Variants in KCNQ4 observed in about 807,000 individuals in gnomAD.
KCNQ4 encodes potassium voltage-gated channel subfamily KQT member 4.
KCNQ4 carries 31 observed loss-of-function variants against 72.6 expected under a neutral mutation model. The observed-to-expected ratio is 0.43, with a 90% CI of 0.32 to 0.58. KCNQ4 has a LOEUF of 0.58. KCNQ4 is among the 20% of genes least tolerant of loss of function. The probability of loss-of-function intolerance (pLI) is 0.08; values close to 1 mark genes in which losing one functional copy is unlikely to be tolerated. For synonymous variants in KCNQ4, 405 were observed against 403.7 expected (o/e 1.00, Z -0.04); for missense variants, 869 against 962.6 (o/e 0.90, Z 1.29).
At chr1:40,799,966 C>T (rs1276260338) in intron 1 of KCNQ4, among the ~76,000 whole-genome samples, 1 of 152,104 alleles carries the variant, frequency 6.6e-6, no homozygotes, top group Non-Finnish European at 1.5e-5. Context: ...GGTTGGGGCC[C>T]AGAATTCTAC....
intron 9 of KCNQ4, among the ~76,000 whole-genome samples, chr1:40,829,554 C>G (rs1648576162): frequency 6.6e-6 from 1 of 152,140 alleles, no homozygotes; most frequent in Non-Finnish European, 1.5e-5. Context: ...ACTTCAGCAC[C>G]TTGGCTCCCT....
chr1:40,819,016 CG>C (rs1489901000), intron 4 of KCNQ4: 19 of 532,840 alleles, frequency 3.6e-5, no homozygotes, highest in Non-Finnish European at 6.0e-5. Flanking sequence ...GGGGCTGGAG[CG>C]GGGCTAGGGT....
At chr1:40,836,051 C>T (rs952209649) in intron 12 of KCNQ4, among the ~76,000 whole-genome samples, 2 of 151,956 alleles carry the variant, frequency 1.3e-5, no homozygotes, top group Non-Finnish European at 2.9e-5. Context: ...CTGACAAGAT[C>T]TGAATTGTCT....
chr1:40,838,367 G>A lies in KCNQ4; in HGVS notation c.1932G>A (p.Leu644=). 6.2e-7 allele frequency: 1 copy of A among 1,613,986 alleles called. No homozygotes were observed. Among genetic ancestry groups the A allele is most frequent in the South Asian group, 1.1e-5 (1 of 91,086 alleles). ...TGTTGGGCTTCTATTCGCGCTGCCT[G>A]CGCTCTGGCACCTCGGCCAGCCTGG... ...DLLLGFYSRC[L]RSGTSASLGA... Residue 644 remains leucine, a synonymous_variant, in exon 14 of 14, where the codon CTG becomes CTA. Coordinates refer to ENST00000347132, the MANE Select transcript of KCNQ4 (RefSeq NM_004700.4).
At chr1:40,814,188 G>A (rs1648016518) in intron 1 of KCNQ4, among the ~76,000 whole-genome samples, 1 of 150,724 alleles carries the variant, frequency 6.6e-6, no homozygotes, top group Admixed American at 6.6e-5. Context: ...TGAGTAGCTG[G>A]GATTACAGGC....
At chr1:40,821,224 C>T (rs1206560356) in intron 7 of KCNQ4, among the ~76,000 whole-genome samples, 1 of 152,168 alleles carries the variant, frequency 6.6e-6, no homozygotes, top group East Asian at 1.9e-4. Context: ...ATTGTGGTGC[C>T]CATAATTAAT....
chr1:40,806,956 C>T (rs1647783253), intron 1 of KCNQ4, among the ~76,000 whole-genome samples: 1 of 152,158 alleles, frequency 6.6e-6, no homozygotes, highest in Non-Finnish European at 1.5e-5. Flanking sequence ...GTGGAGCCAA[C>T]CGCAGGGCTG....
At chr1:40,809,510 A>C (rs1364762282) in intron 1 of KCNQ4, among the ~76,000 whole-genome samples, 2 of 152,204 alleles carry the variant, frequency 1.3e-5, no homozygotes, top group Middle Eastern at 3.4e-3. Context: ...CCAATGCCCA[A>C]ACCAGAAATA....
chr1:40,838,357 C>G lies in KCNQ4; in HGVS notation c.1922C>G (p.Ser641Trp). The change falls in exon 14 of 14, where the codon TCG (serine) becomes TGG (tryptophan). Residue 641 changes from serine to tryptophan, a missense_variant. This residue lies in a region of KCNQ4 where 480 missense variants were observed against 501.9 expected (regional missense o/e 0.96). Coordinates refer to ENST00000347132, the MANE Select transcript of KCNQ4 (RefSeq NM_004700.4). ...CTGGACCTGCTGTTGGGCTTCTATT[C>G]GCGCTGCCTGCGCTCTGGCACCTCG... ...HKLDLLLGFY[S>W]RCLRSGTSAS... is the part of the protein sequence containing the mutation. 6.2e-7 allele frequency: 1 copy of G among 1,613,940 alleles called. No homozygotes were observed. The highest frequency in any genetic ancestry group is 1.1e-5 in the South Asian group (1 of 91,078).
intron 1 of KCNQ4, among the ~76,000 whole-genome samples, chr1:40,806,827 GTGGTTCTTAGTT>G (rs1647778004): frequency 6.6e-6 from 1 of 152,222 alleles, no homozygotes; most frequent in African/African-American, 2.4e-5. Flanking sequence ...ACTTTCCTCT[GTGGTTCTTAGTT>G]CCATTCCTGC....
At chr1:40,802,955 T>C (rs1209029288) in intron 1 of KCNQ4, among the ~76,000 whole-genome samples, 1 of 152,146 alleles carries the variant, frequency 6.6e-6, no homozygotes. Context: ...TGAGATACAT[T>C]TAGGGACTGT....
At chr1:40,831,654 A>G (rs1286350247) in intron 10 of KCNQ4, among the ~76,000 whole-genome samples, 1 of 152,198 alleles carries the variant, frequency 6.6e-6, no homozygotes, top group African/African-American at 2.4e-5. Context: ...AATGGGAACA[A>G]TAATAGCATC....
chr1:40,817,302 C>T lies in KCNQ4; in HGVS notation c.352C>T (p.Leu118=), dbSNP rs1208149845. 1.2e-6 allele frequency: 2 copies of T among 1,613,960 alleles called. No individual in the cohort carries two copies. The highest frequency in any genetic ancestry group is 1.7e-6 in the Non-Finnish European group (2 of 1,180,000). The part of the protein sequence containing the change: ...LVFSCLVLSV[L]STIQEHQELA... Reference sequence around the variant, plus strand: ...CTTCAGCTGCCTGGTGCTGTCTGTGCTGTCCACTATCCAGGAGCACCAGGA... The same window carrying T: ...CTTCAGCTGCCTGGTGCTGTCTGTGTTGTCCACTATCCAGGAGCACCAGGA... The change falls in exon 2 of 14, where the codon CTG becomes TTG. Residue 118 remains leucine, a synonymous_variant. Coordinates refer to ENST00000347132, the MANE Select transcript of KCNQ4 (RefSeq NM_004700.4). This position sits in a 1 kb window ranked among gnomAD's most constrained non-coding sequence, Gnocchi z 5.5.
intron 1 of KCNQ4, among the ~76,000 whole-genome samples, chr1:40,798,639 C>T (rs1647483074): frequency 6.6e-6 from 1 of 152,190 alleles, no homozygotes; most frequent in South Asian, 2.1e-4. Context: ...GTCTAGGATC[C>T]CTGATGGACA....
At chr1:40,822,433 G>T (rs148218398) in intron 8 of KCNQ4, 31 bp downstream of exon 8, 5 of 969,270 alleles carry the variant, frequency 5.2e-6, no homozygotes, top group Non-Finnish European at 8.3e-6. Flanking sequence ...GGGTGGGTGG[G>T]GGGCTGGCAG....
chr1:40,837,724 AGGGGCCCTCCGACGC>A lies in KCNQ4; in HGVS notation c.1808_1822del (p.Gly603_Ala607del). The A allele has an allele frequency of 1.9e-6, 3 of 1,613,330 alleles. No homozygotes were observed. The highest frequency in any genetic ancestry group is 2.5e-6 in the Non-Finnish European group (3 of 1,179,754). ...AGGAAGGCCCGGGAGAAGGGCGACA[AGGGGCCCTCCGACGC>A]GGAGGTGGTGGATGAAATCAGCATG... On this transcript the variant is annotated inframe_deletion, in exon 13 of 14. Transcript: ENST00000347132.
chr1:40,828,992 G>A (rs1357755211), intron 9 of KCNQ4, among the ~76,000 whole-genome samples: 1 of 152,244 alleles, frequency 6.6e-6, no homozygotes, highest in Non-Finnish European at 1.5e-5. Flanking sequence ...GACCTTTCAA[G>A]GTCTCTAGTG....
At chr1:40,803,294 T>G (rs1358698978) in intron 1 of KCNQ4, among the ~76,000 whole-genome samples, 1 of 151,962 alleles carries the variant, frequency 6.6e-6, no homozygotes, top group Non-Finnish European at 1.5e-5. Flanking sequence ...CCTCAGAGAC[T>G]CCCACCCAAT....
intron 8 of KCNQ4, 65 bp from the exon 9 acceptor site, chr1:40,824,032 T>C (rs1237186927): frequency 3.3e-6 from 5 of 1,522,682 alleles, no homozygotes; most frequent in Non-Finnish European, 3.6e-6. Flanking sequence ...AGGAGCTCTG[T>C]GCCCACTGGG....
Sources: allele counts gnomAD v4.1 joint callset (sites outside exome capture counted in the v4.1 genomes callset), GRCh38; gene constraint gnomAD v4.1.1; regional missense constraint gnomAD v4.1.1; non-coding constraint Gnocchi (gnomAD v3.1); transcripts MANE v1.5; gene names NCBI Gene and HGNC (gene_info 2026-07-23, HGNC 2026-07-21).